PTPRD: variants seen among roughly 807,000 people sequenced by gnomAD.
The protein encoded by PTPRD is receptor-type tyrosine-protein phosphatase delta.
A neutral mutation model predicts 214.5 loss-of-function variants in PTPRD; 34 were observed. That is an observed-to-expected ratio of 0.16 (90% CI 0.12 to 0.21). The LOEUF (loss-of-function observed/expected upper bound fraction) is 0.21, where lower values mean the gene tolerates loss of function less well. Among genes scored for constraint, PTPRD ranks in the 10% least tolerant of loss-of-function variants. The pLI is 1.00. For missense variants in PTPRD, 2,545 were observed against 2,398.7 expected, an observed-to-expected ratio of 1.06 and a Z score of -1.27; for synonymous variants, 1,128 against 845.7, an observed-to-expected ratio of 1.33 and a Z score of -5.79.
intron 35 of PTPRD, 72 bp from the exon 36 acceptor site, chr9:8,404,732 T>C (rs1289472574): frequency 2.0e-6 from 3 of 1,500,226 alleles, no homozygotes; most frequent in East Asian, 2.3e-5. Flanking sequence ...ATTTATCACA[T>C]GTAATAAACA....
intron 2 of PTPRD, among the ~76,000 whole-genome samples, chr9:10,347,501 C>CTT (rs1433697498): frequency 3.5e-4 from 53 of 151,382 alleles, no homozygotes; most frequent in Non-Finnish European, 6.8e-4. Flanking sequence ...ACCTCTGCCC[C>CTT]CTGGGTTCAA....
At position 9,708,288 on chromosome 9, in the gene PTPRD, G is replaced by A. The variant is rs868149661; in HGVS notation, c.-287+26245C>T. Among the ~76,000 whole-genome samples, 6 of 152,150 alleles carry A rather than the reference G, an allele frequency of 3.9e-5. No individual in the cohort carries two copies. In the South Asian group the frequency reaches 1.2e-3, roughly 32 times the overall value. ...TGTTTACTCTTTCTCTCTACCTGGA[G>A]TTTCTCTTCAGAATGGCAATTCTCT... On this transcript the variant is annotated intron_variant, in intron 7 of 45. Coordinates refer to ENST00000381196, the MANE Select transcript of PTPRD (RefSeq NM_002839.4).
chr9:9,661,366 G>T (rs887408986), intron 7 of PTPRD, among the ~76,000 whole-genome samples: 1 of 151,722 alleles, frequency 6.6e-6, no homozygotes, highest in Admixed American at 6.6e-5. Context: ...TGCTAAACTA[G>T]ATTCAGTTCA....
At chr9:9,755,760 C>G (rs1189032223) in intron 6 of PTPRD, among the ~76,000 whole-genome samples, 1 of 151,948 alleles carries the variant, frequency 6.6e-6, no homozygotes, top group Non-Finnish European at 1.5e-5. Flanking sequence ...GGAATTACTG[C>G]TCTCATTTTG....
intron 11 of PTPRD, among the ~76,000 whole-genome samples, chr9:8,971,560 C>T (rs2099238489): frequency 6.6e-6 from 1 of 151,662 alleles, no homozygotes; most frequent in Admixed American, 6.6e-5. Flanking sequence ...AGGTCTGCTA[C>T]ATAGTTAAAG....
At chr9:8,878,677 G>A (rs1487478407) in intron 11 of PTPRD, among the ~76,000 whole-genome samples, 2 of 152,126 alleles carry the variant, frequency 1.3e-5, no homozygotes, top group African/African-American at 2.4e-5. Flanking sequence ...ACAGGCACAT[G>A]CTACCATGCC....
intron 5 of PTPRD, among the ~76,000 whole-genome samples, chr9:9,776,029 T>C (rs372702643): frequency 9.4e-4 from 139 of 147,888 alleles, no homozygotes; most frequent in East Asian, 4.2e-3. Flanking sequence ...GAGCTTCTCA[T>C]CACCTAGGTT....
intron 11 of PTPRD, among the ~76,000 whole-genome samples, chr9:8,771,790 T>C (rs1402902868): frequency 6.6e-6 from 1 of 151,582 alleles, no homozygotes; most frequent in Non-Finnish European, 1.5e-5. Flanking sequence ...ACCAAACTAG[T>C]AGCCACAGCT....
chr9:10,047,305 CAACT>C (rs772426409), intron 3 of PTPRD, among the ~76,000 whole-genome samples: 27 of 119,636 alleles, frequency 2.3e-4, no homozygotes, highest in South Asian at 5.6e-4. Context: ...AAGATAAAAT[CAACT>C]AACTGTGTGT....
chr9:9,932,139 GA>G (rs1236667788), intron 5 of PTPRD, among the ~76,000 whole-genome samples: 4 of 148,368 alleles, frequency 2.7e-5, no homozygotes, highest in Non-Finnish European at 5.9e-5. Context: ...AAACAGAACA[GA>G]AAAACTGGAA....
intron 5 of PTPRD, among the ~76,000 whole-genome samples, chr9:9,843,986 G>A (rs1415225688): frequency 6.6e-6 from 1 of 151,948 alleles, no homozygotes; most frequent in Non-Finnish European, 1.5e-5. Context: ...ATATACCTAT[G>A]TATATGTCTT....
rs374470416 is a variant in PTPRD at position 8,684,782 on chromosome 9, T to G, written c.65-47938A>C. ...ATTTTAAGGGTTACAGATTGCACTT[T>G]GACAAAAGTGCTTCTACGAATTATA... is the stretch of plus-strand genomic sequence containing the variant. On this transcript the variant is annotated intron_variant, in intron 12 of 45. Transcript: ENST00000381196. Among the ~76,000 whole-genome samples, 8 of 152,162 alleles carry G rather than the reference T, an allele frequency of 5.3e-5. No individual in the cohort carries two copies. In the East Asian group the frequency reaches 1.3e-3, roughly 26 times the overall value.
chr9:8,853,738 T>G (rs2097861061), intron 11 of PTPRD, among the ~76,000 whole-genome samples: 1 of 152,222 alleles, frequency 6.6e-6, no homozygotes, highest in Non-Finnish European at 1.5e-5. Context: ...ACTCTTCTCT[T>G]TGCTCTTTCT....
At chr9:8,920,882 C>T (rs1244065309) in intron 11 of PTPRD, among the ~76,000 whole-genome samples, 4 of 152,140 alleles carry the variant, frequency 2.6e-5, no homozygotes, top group East Asian at 1.9e-4. Flanking sequence ...GGTGCAATCT[C>T]GGCTCACCAC....
At position 8,541,034 on chromosome 9, in the gene PTPRD, A is replaced by G. The variant is rs1229370374; in HGVS notation, c.353-12255T>C. 2.0e-5 allele frequency among the ~76,000 whole-genome samples: 3 copies of G among 152,186 alleles called. No homozygotes were observed. The East Asian group carries it at 5.8e-4, about 29-fold the overall frequency. On this transcript the variant is annotated intron_variant, in intron 14 of 45. Transcript: ENST00000381196. Reference sequence around the variant, plus strand: ...AGATCAAAATCTTAAAACATCAAACATCACATATAAAATGTTTCACTGAAA... The same window carrying G: ...AGATCAAAATCTTAAAACATCAAACGTCACATATAAAATGTTTCACTGAAA...
At chr9:9,989,600 C>G (rs1170342917) in intron 4 of PTPRD, among the ~76,000 whole-genome samples, 1 of 152,116 alleles carries the variant, frequency 6.6e-6, no homozygotes, top group African/African-American at 2.4e-5. Context: ...TCCATATTCA[C>G]CACCCTCCAA....
chr9:9,815,784 A>G (rs2048567217), intron 5 of PTPRD, among the ~76,000 whole-genome samples: 1 of 152,184 alleles, frequency 6.6e-6, no homozygotes, highest in Non-Finnish European at 1.5e-5. Context: ...TTGGTCAAAG[A>G]GTCCAGACTT....
chr9:8,795,485 G>C (rs1156801631), intron 11 of PTPRD, among the ~76,000 whole-genome samples: 1 of 152,108 alleles, frequency 6.6e-6, no homozygotes, highest in South Asian at 2.1e-4. Flanking sequence ...AAATTAAATA[G>C]CCTACTTAGG....
chr9:10,454,810 TAC>T (rs111248967), intron 2 of PTPRD, among the ~76,000 whole-genome samples: 7 of 150,074 alleles, frequency 4.7e-5, no homozygotes, highest in East Asian at 3.9e-4. Context: ...TAAAAATGTT[TAC>T]ACACACACAC....
Sources: gnomAD v4.1 joint callset for allele counts (sites outside exome capture counted in the v4.1 genomes callset) on GRCh38, gnomAD v4.1.1 for gene constraint, MANE v1.5 for transcripts, NCBI Gene and HGNC (gene_info 2026-07-23, HGNC 2026-07-21) for gene names.